SLC26A1: variants seen among roughly 807,000 people sequenced by gnomAD.
SLC26A1 encodes solute carrier family 26 member 1.
In SLC26A1, 18 loss-of-function variants were observed where a neutral mutation model predicts 14.5. That is an observed-to-expected ratio of 1.24 (90% CI 0.86 to 1.84). The LOEUF is 1.84. Among genes scored for constraint, SLC26A1 ranks in the 40% most tolerant of loss-of-function variants. The pLI is 0.00. For missense variants in SLC26A1, 1,049 were observed against 1,020.0 expected, an observed-to-expected ratio of 1.03 and a Z score of -0.39; for synonymous variants, 505 against 492.0, an observed-to-expected ratio of 1.03 and a Z score of -0.35.
chr4:990,305 G>A lies in SLC26A1; in HGVS notation c.634C>T (p.Leu212Phe). The change falls in exon 3 of 3, where the codon CTC (leucine) becomes TTC (phenylalanine). Residue 212 changes from leucine (L) to phenylalanine (F), a missense_variant. Transcript: ENST00000398516. ...FVSAYLSQPL[L>F]DGFAMGASVT... is the part of the protein sequence containing the mutation. ...GAGGCCCCCATGGCAAAGCCATCGA[G>A]CAGTGGCTGTGAGAGGTAGGCGGAC... The A allele has an allele frequency of 1.2e-6, 2 of 1,605,078 alleles. No homozygotes were observed. Among genetic ancestry groups the A allele is most frequent in the Non-Finnish European group, 1.7e-6 (2 of 1,177,266 alleles).
rs116672664 is a variant in SLC26A1 at position 990,977 on chromosome 4, G to A, written c.576+151C>T. 1,880 of 799,644 alleles carry A rather than the reference G, an allele frequency of 2.4e-3. 25 individuals are homozygous for A. The African/African-American group carries it at 0.026, about 11-fold the overall frequency. 49.5% of individuals were successfully genotyped at this position (799,644 alleles called of 1,614,324 possible). Reference sequence around the variant, plus strand: ...TCGGTGCCTCGCCCTGGGATGCCCCGGCACGCCCCAGCTCTGCCCAAGCCT... The same window carrying A: ...TCGGTGCCTCGCCCTGGGATGCCCCAGCACGCCCCAGCTCTGCCCAAGCCT... On this transcript the variant is annotated intron_variant, in intron 2 of 2. Transcript: ENST00000398516.
chr4:981,417 G>C (rs1713537240), intron 2 of SLC26A1, among the ~76,000 whole-genome samples: 1 of 152,138 alleles, frequency 6.6e-6, no homozygotes, highest in Non-Finnish European at 1.5e-5. Context: ...TTCTAAACCA[G>C]CCCGGGCAAG....
chr4:990,208 A>G lies in SLC26A1; in HGVS notation c.731T>C (p.Met244Thr), dbSNP rs374176452. 6.8e-5 allele frequency: 106 copies of G among 1,563,186 alleles called. No individual in the cohort carries two copies. Among genetic ancestry groups the G allele is most frequent in the Non-Finnish European group, 8.5e-5 (98 of 1,154,560 alleles). ...VRIPRHQGPG[M>T]VVLTWLSLLR... ...CAGGCTCAGCCATGTGAGGACCACC[A>G]TGCCGGGCCCCTGGTGCCGCGGGAT... is the stretch of plus-strand genomic sequence containing the variant. Residue 244 changes from methionine (M) to threonine (T), a missense_variant, in exon 3 of 3, where the codon ATG becomes ACG. By Grantham distance (81) the Met-to-Thr change is moderately conservative. Transcript: ENST00000398516.
chr4:987,851 C>T lies in SLC26A1; in HGVS notation c.*982G>A. ...GCCAGGCTGACCAGTACGTCCTCAG[C>T]TGGGACCAGCAGCTCAACCTCGCCT... On this transcript the variant is annotated 3_prime_UTR_variant, in exon 3 of 3. Coordinates refer to ENST00000398516, the MANE Select transcript of SLC26A1 (RefSeq NM_022042.4). The T allele has an allele frequency of 1.9e-6, 3 of 1,612,504 alleles. No individual in the cohort carries two copies. Among genetic ancestry groups the T allele is most frequent in the Non-Finnish European group, 2.5e-6 (3 of 1,179,868 alleles).
At chr4:982,163 G>C (rs1161011897) in intron 2 of SLC26A1, among the ~76,000 whole-genome samples, 1 of 152,198 alleles carries the variant, frequency 6.6e-6, no homozygotes, top group Non-Finnish European at 1.5e-5. Flanking sequence ...GCTGACCCCA[G>C]GCTCTCCTGG....
At chr4:985,139 T>C (rs1035924717), downstream of SLC26A1, among the ~76,000 whole-genome samples, 2 of 152,272 alleles carry the variant, frequency 1.3e-5, no homozygotes, top group Non-Finnish European at 2.9e-5. Flanking sequence ...TTTTAGGGGA[T>C]AGAACTTTGG....
At chr4:981,401 C>G (rs2153013881) in intron 2 of SLC26A1, among the ~76,000 whole-genome samples, 1 of 152,260 alleles carries the variant, frequency 6.6e-6, no homozygotes, top group East Asian at 1.9e-4. Flanking sequence ...CACTTGAGGT[C>G]AGGAGTTCTA....
downstream of SLC26A1, chr4:986,730 C>T: frequency 2.1e-6 from 1 of 465,676 alleles, no homozygotes; most frequent in Non-Finnish European, 4.3e-6. Context: ...GCACCTCAGC[C>T]TGGGCGACAA....
At chr4:980,501 G>A (rs1414187648) in intron 2 of SLC26A1, among the ~76,000 whole-genome samples, 12 of 151,068 alleles carry the variant, frequency 7.9e-5, no homozygotes, top group Admixed American at 6.6e-4. Flanking sequence ...CAGGAGAATC[G>A]CTTGAACCCG....
chr4:982,735 G>A (rs576606019), downstream of SLC26A1, among the ~76,000 whole-genome samples: 4 of 152,264 alleles, frequency 2.6e-5, no homozygotes, highest in East Asian at 1.9e-4. Flanking sequence ...AATCGCACAC[G>A]TCTCTACACA....
rs887304092 is a variant in SLC26A1 at position 988,574 on chromosome 4, G to C, written c.*259C>G. The C allele has an allele frequency of 7.5e-7, 1 of 1,326,996 alleles. No homozygotes were observed. The highest frequency in any genetic ancestry group is 3.0e-5 in the East Asian group (1 of 33,402). The allele number at this position is 1,326,996 out of a possible 1,614,324, so 82.2% of individuals were successfully genotyped here. A position where few individuals can be genotyped will look rare whatever the true frequency, so the allele number is the denominator to read the frequency against. ...GCCCATCCCTCCTGAGCTGAGGGAC[G>C]GTGCATTGGGGCCCAGCCAGCACTG... On this transcript the variant is annotated 3_prime_UTR_variant, in exon 3 of 3. Coordinates refer to ENST00000398516, the MANE Select transcript of SLC26A1 (RefSeq NM_022042.4).
At chr4:987,429 G>A (rs1262102435), downstream of SLC26A1, among the ~76,000 whole-genome samples, 3 of 152,150 alleles carry the variant, frequency 2.0e-5, no homozygotes, top group Non-Finnish European at 4.4e-5. Context: ...GCGTGAGCCT[G>A]GGCCGCCCCC....
chr4:988,925 CA>C lies in SLC26A1; in HGVS notation c.2013del (p.Glu672ArgfsTer55). The C allele has an allele frequency of 3.1e-6, 5 of 1,602,286 alleles. No individual in the cohort carries two copies. The highest frequency in any genetic ancestry group is 1.1e-5 in the South Asian group (1 of 89,350). ...ACACTGAGGAACAGCTGCTCCTCCT[CA>C]GCCGTGTCCCCGGGGCCCTCCCCGA... ...GFLGEGPGDT[A>X]EEEQLFLSVH... On this transcript the variant is annotated frameshift_variant, in exon 3 of 3. Transcript: ENST00000398516. LOFTEE classifies it low-confidence loss of function (END_TRUNC).
At chr4:991,887 C>T (rs1560539141) in intron 1 of SLC26A1, 157 bp from the exon 2 acceptor site, 1 of 1,364,468 alleles carries the variant, frequency 7.3e-7, no homozygotes, top group East Asian at 2.5e-5. Context: ...GCCCCAGCCC[C>T]CTGCCCGGTA....
rs765881732 is a variant in SLC26A1, at chr4:989,239, C to G, written c.1700G>C (p.Gly567Ala). 4 of 1,612,510 alleles carry G rather than the reference C, an allele frequency of 2.5e-6. No individual in the cohort carries two copies. The Admixed American group carries it at 6.7e-5, about 27-fold the overall frequency. Reference protein sequence around the residue: ...SLYSLTGLDAGCMAARRKEGG... With the variant: ...SLYSLTGLDAACMAARRKEGG... ...CTCCTTCCTCCTGGCAGCCATGCAC[C>G]CTGCGTCCAGCCCCGTGAGGCTGTA... Residue 567 changes from glycine (G) to alanine (A), a missense_variant, in exon 3 of 3, where the codon GGG becomes GCG. Coordinates refer to ENST00000398516, the MANE Select transcript of SLC26A1 (RefSeq NM_022042.4).
exon 3 of SLC26A1, chr4:979,397 C>T: frequency 3.4e-6 from 5 of 1,461,496 alleles, no homozygotes; most frequent in Non-Finnish European, 4.8e-6. Flanking sequence ...GTCGGCATTT[C>T]CTGTTAAATC....
At chr4:981,325 A>G (rs1265147540) in intron 2 of SLC26A1, among the ~76,000 whole-genome samples, 2 of 152,180 alleles carry the variant, frequency 1.3e-5, no homozygotes, top group African/African-American at 2.4e-5. Context: ...GTCCAAATAA[A>G]AACCAGCCAG....
chr4:985,960 A>G (rs747099350), downstream of SLC26A1, among the ~76,000 whole-genome samples: 1 of 151,984 alleles, frequency 6.6e-6, no homozygotes, highest in African/African-American at 2.4e-5. Context: ...CATTTTGTCA[A>G]CCAGGCTGGA....
At position 989,690 on chromosome 4, in the gene SLC26A1, C is replaced by G. The variant is rs753947733; in HGVS notation, c.1249G>C (p.Val417Leu). 6.4e-7 allele frequency: 1 copy of G among 1,563,516 alleles called. No individual in the cohort carries two copies. Among genetic ancestry groups the G allele is most frequent in the East Asian group, 2.4e-5 (1 of 42,288 alleles). ...ATGCRTQLSS[V>L]VSATVVLLVL... ...AGCAGCACCACGGTGGCGCTGACCA[C>G]GCTGGACAGCTGTGTCCGGCAGCCA... is the stretch of plus-strand genomic sequence containing the variant. The change falls in exon 3 of 3, where the codon GTG (valine) becomes CTG (leucine). Residue 417 changes from valine (V) to leucine (L), a missense_variant. Val to Leu is a conservative substitution (Grantham distance 32). Transcript: ENST00000398516.
Sources: allele counts gnomAD v4.1 joint callset (sites outside exome capture counted in the v4.1 genomes callset), GRCh38; gene constraint gnomAD v4.1.1; transcripts MANE v1.5; gene names NCBI Gene and HGNC (gene_info 2026-07-23, HGNC 2026-07-21).